SUGCT: variants seen among roughly 807,000 people sequenced by gnomAD.
SUGCT encodes the protein succinyl-CoA:glutarate CoA-transferase.
A neutral mutation model predicts 55.0 loss-of-function variants in SUGCT; 41 were observed. That is an observed-to-expected ratio of 0.74 (90% confidence interval 0.58 to 0.97). SUGCT has a LOEUF of 0.97. Among genes scored for constraint, SUGCT ranks in the 50% least tolerant of loss-of-function variants. The probability of loss-of-function intolerance (pLI) is 0.00; values close to 1 mark genes in which losing one functional copy is unlikely to be tolerated. For missense variants in SUGCT, 568 were observed against 547.8 expected, an observed-to-expected ratio of 1.04 and a Z score of -0.37; for synonymous variants, 187 against 200.4, an observed-to-expected ratio of 0.93 and a Z score of 0.56.
chr7:40,779,784 G>A (rs1257443666), intron 13 of SUGCT, among the ~76,000 whole-genome samples: 1 of 152,126 alleles, frequency 6.6e-6, no homozygotes, highest in African/African-American at 2.4e-5. Context: ...TAATCAAAAG[G>A]AATGTCACCT....
intron 7 of SUGCT, among the ~76,000 whole-genome samples, chr7:40,258,295 A>C (rs1022652757): frequency 6.6e-6 from 1 of 152,174 alleles, no homozygotes; most frequent in African/African-American, 2.4e-5. Context: ...TCTGGGTTTG[A>C]ATTTTCGTTC....
intron 6 of SUGCT, among the ~76,000 whole-genome samples, chr7:40,226,279 A>G (rs1562591935): frequency 1.3e-5 from 2 of 152,212 alleles, no homozygotes. Flanking sequence ...GTGAATCTAC[A>G]TTATTATACA....
intron 7 of SUGCT, among the ~76,000 whole-genome samples, chr7:40,254,348 A>C (rs1790651406): frequency 6.6e-6 from 1 of 151,150 alleles, no homozygotes; most frequent in African/African-American, 2.4e-5. Flanking sequence ...TTGTGGAAGG[A>C]TTATGTCTTA....
chr7:40,787,990 G>A (rs1040149449), intron 13 of SUGCT, among the ~76,000 whole-genome samples: 1 of 152,094 alleles, frequency 6.6e-6, no homozygotes, highest in Non-Finnish European at 1.5e-5. Flanking sequence ...GAGACCAGGG[G>A]GGAAAGCCTG....
chr7:40,802,326 A>G (rs1442186834), intron 13 of SUGCT, among the ~76,000 whole-genome samples: 1 of 151,698 alleles, frequency 6.6e-6, no homozygotes, highest in Non-Finnish European at 1.5e-5. Context: ...ACACACACGC[A>G]CACACCACAC....
At chr7:40,365,513 C>T (rs1783901595) in intron 9 of SUGCT, among the ~76,000 whole-genome samples, 1 of 152,060 alleles carries the variant, frequency 6.6e-6, no homozygotes, top group Non-Finnish European at 1.5e-5. Flanking sequence ...TCTAGAAAAC[C>T]CCTTTGTCTC....
intron 12 of SUGCT, among the ~76,000 whole-genome samples, chr7:40,589,437 C>A (rs1434093100): frequency 2.0e-5 from 3 of 152,116 alleles, no homozygotes; most frequent in Non-Finnish European, 4.4e-5. Flanking sequence ...TGCTCCCTGC[C>A]ATTCTAGAGG....
At chr7:41,004,340 G>A in the SUGCT span, among the ~76,000 whole-genome samples, 13 of 152,326 alleles carry the variant, frequency 8.5e-5, no homozygotes, top group Non-Finnish European at 1.5e-4. Flanking sequence ...ATTGAATGTG[G>A]CTTCTGAAAA....
chr7:40,711,730 A>G (rs1020472864), intron 12 of SUGCT, among the ~76,000 whole-genome samples: 4 of 152,202 alleles, frequency 2.6e-5, no homozygotes, highest in Admixed American at 1.3e-4. Context: ...GGAGTCACTC[A>G]TTGAATTTAT....
intron 6 of SUGCT, among the ~76,000 whole-genome samples, chr7:40,234,006 G>A (rs968274745): frequency 6.6e-6 from 1 of 152,016 alleles, no homozygotes; most frequent in African/African-American, 2.4e-5. Flanking sequence ...CTCTTTAATA[G>A]AAATACTTAG....
At chr7:40,631,241 T>G (rs1799774368) in intron 12 of SUGCT, among the ~76,000 whole-genome samples, 1 of 152,180 alleles carries the variant, frequency 6.6e-6, no homozygotes, top group African/African-American at 2.4e-5. Flanking sequence ...TCAGCATTAT[T>G]TACGTGTAAC....
At position 40,153,774 on chromosome 7, in the gene SUGCT, A is replaced by C. The variant is rs1406377680; in HGVS notation, c.100+18654A>C. ...TATTGACCAAGAGCCAAATTAAAGA[A>C]GGCTAACCATCCTTGCCCATAGATG... On this transcript the variant is annotated intron_variant, in intron 1 of 13. Coordinates refer to ENST00000335693, the MANE Select transcript of SUGCT (RefSeq NM_001193313.2). 6 of 418,026 alleles carry C rather than the reference A, an allele frequency of 1.4e-5. No individual in the cohort carries two copies. The East Asian group carries it at 4.0e-4, about 28-fold the overall frequency. 25.9% of individuals were successfully genotyped at this position (418,026 alleles called of 1,614,324 possible).
chr7:40,885,727 G>A, the SUGCT span, among the ~76,000 whole-genome samples: 1 of 152,222 alleles, frequency 6.6e-6, no homozygotes, highest in Middle Eastern at 3.4e-3. Context: ...GGTGAGACCT[G>A]CTGGGAGGAA....
the SUGCT span, among the ~76,000 whole-genome samples, chr7:40,914,862 A>T: frequency 3.3e-5 from 5 of 152,210 alleles, no homozygotes; most frequent in African/African-American, 1.2e-4. Context: ...ACTGATGTTG[A>T]ACCTTCTATA....
the SUGCT span, among the ~76,000 whole-genome samples, chr7:40,956,794 T>C: frequency 2.6e-5 from 4 of 152,354 alleles, no homozygotes; most frequent in African/African-American, 7.2e-5. Context: ...TTTTGCTGTG[T>C]CCCAGAAATT....
the SUGCT span, among the ~76,000 whole-genome samples, chr7:40,931,186 GTTA>G: frequency 6.6e-6 from 1 of 152,090 alleles, no homozygotes; most frequent in Non-Finnish European, 1.5e-5. Flanking sequence ...TAATCATGTG[GTTA>G]TTATCATTGG....
intron 12 of SUGCT, among the ~76,000 whole-genome samples, chr7:40,603,470 T>C (rs1360031633): frequency 6.6e-6 from 1 of 152,222 alleles, no homozygotes; most frequent in Non-Finnish European, 1.5e-5. Flanking sequence ...GGATTAAATA[T>C]AGTAGCTGTT....
intron 9 of SUGCT, among the ~76,000 whole-genome samples, chr7:40,415,113 T>A (rs896075805): frequency 6.8e-6 from 1 of 147,468 alleles, no homozygotes; most frequent in African/African-American, 2.5e-5. Context: ...TCTATCTATC[T>A]ATATAAAATT....
At chr7:40,904,069 G>A in the SUGCT span, among the ~76,000 whole-genome samples, 76 of 152,270 alleles carry the variant, frequency 5.0e-4, no homozygotes, top group African/African-American at 1.6e-3. Flanking sequence ...CAGGGTTCTC[G>A]CCAGCAATCA....
Sources: allele counts gnomAD v4.1 joint callset (sites outside exome capture counted in the v4.1 genomes callset), GRCh38; gene constraint gnomAD v4.1.1; transcripts MANE v1.5; gene names NCBI Gene and HGNC (gene_info 2026-07-23, HGNC 2026-07-21).